CYRIA: variants seen among roughly 807,000 people sequenced by gnomAD.
The protein encoded by CYRIA is CYFIP related Rac1 interactor A, also known as CYFIP-related Rac1 interactor A.
CYRIA carries 15 observed loss-of-function variants against 43.9 expected under a neutral mutation model. The ratio of observed to expected loss-of-function variants is 0.34; its 90% confidence interval spans 0.23 to 0.53. The LOEUF is 0.53. Among genes scored for constraint, CYRIA ranks in the 20% least tolerant of loss-of-function variants. The pLI, the probability that CYRIA is intolerant of heterozygous loss-of-function variation, is 0.94. For synonymous variants in CYRIA, 117 were observed against 136.0 expected, an observed-to-expected ratio of 0.86 and a Z score of 0.97; for missense variants, 236 against 394.2, an observed-to-expected ratio of 0.60 and a Z score of 3.40.
At chr2:16,651,924 T>A (rs1336957574) in intron 1 of CYRIA, among the ~76,000 whole-genome samples, 1 of 152,186 alleles carries the variant, frequency 6.6e-6, no homozygotes, top group East Asian at 1.9e-4. Flanking sequence ...AAGGGGTTTA[T>A]CTGTCAGAAC....
At chr2:16,554,609 C>T (rs1666437027) in intron 11 of CYRIA, among the ~76,000 whole-genome samples, 1 of 152,166 alleles carries the variant, frequency 6.6e-6, no homozygotes, top group South Asian at 2.1e-4. Flanking sequence ...GATTCCGATT[C>T]ATTTGGTCTT....
At chr2:16,602,432 T>C (rs1220540270) in intron 2 of CYRIA, among the ~76,000 whole-genome samples, 2 of 152,170 alleles carry the variant, frequency 1.3e-5, no homozygotes, top group Non-Finnish European at 2.9e-5. Flanking sequence ...CATATATTTA[T>C]ATAATTTCAC....
intron 1 of CYRIA, among the ~76,000 whole-genome samples, chr2:16,642,308 T>G (rs1669699515): frequency 6.6e-6 from 1 of 152,182 alleles, no homozygotes; most frequent in Admixed American, 6.5e-5. Flanking sequence ...ACCCACATTA[T>G]TTCTCATGTC....
intron 1 of CYRIA, among the ~76,000 whole-genome samples, chr2:16,662,655 C>A (rs72777962): frequency 2.0e-5 from 3 of 152,188 alleles, no homozygotes; most frequent in African/African-American, 7.2e-5. Context: ...GTCCTGGCTC[C>A]CTGCCATGCT....
chr2:16,626,751 C>A (rs1439944584), intron 1 of CYRIA, among the ~76,000 whole-genome samples: 1 of 152,158 alleles, frequency 6.6e-6, no homozygotes, highest in African/African-American at 2.4e-5. Context: ...CCTCACATAT[C>A]ACCAGCAACA....
chr2:16,584,884 T>C (rs1158257975), intron 3 of CYRIA, among the ~76,000 whole-genome samples: 4 of 152,184 alleles, frequency 2.6e-5, no homozygotes, highest in African/African-American at 9.6e-5. Context: ...TCCATGGCCT[T>C]CTGTTTCCCA....
chr2:16,574,813 G>A (rs769157980), intron 3 of CYRIA, among the ~76,000 whole-genome samples: 6 of 152,154 alleles, frequency 3.9e-5, no homozygotes, highest in East Asian at 1.9e-4. Context: ...TGCAGGGGTG[G>A]GGCACTCATG....
intron 2 of CYRIA, among the ~76,000 whole-genome samples, chr2:16,615,307 T>TC (rs1255280529): frequency 6.6e-6 from 1 of 152,188 alleles, no homozygotes; most frequent in African/African-American, 2.4e-5. Context: ...CTCTTCTGCC[T>TC]CCCCCAAGTA....
intron 3 of CYRIA, among the ~76,000 whole-genome samples, chr2:16,587,198 C>T (rs1313655245): frequency 1.3e-5 from 2 of 151,966 alleles, no homozygotes; most frequent in African/African-American, 4.8e-5. Flanking sequence ...ATTCTGTAAG[C>T]CTTATTTCTG....
chr2:16,553,688 G>A (rs190004119), intron 11 of CYRIA, among the ~76,000 whole-genome samples: 19 of 152,234 alleles, frequency 1.2e-4, no homozygotes, highest in African/African-American at 4.6e-4. Context: ...CAAGGTTACT[G>A]AATTGAGATT....
chr2:16,616,871 A>T (rs1056217772), intron 2 of CYRIA, among the ~76,000 whole-genome samples: 2 of 152,234 alleles, frequency 1.3e-5, no homozygotes, highest in Admixed American at 1.3e-4. Flanking sequence ...AGAGATGAGG[A>T]AACTGTCCTA....
chr2:16,582,330 CA>C (rs111516786), intron 3 of CYRIA, among the ~76,000 whole-genome samples: 4 of 151,782 alleles, frequency 2.6e-5, no homozygotes, highest in South Asian at 2.1e-4. Context: ...TTTTTAAAAA[CA>C]AAAAAAATTT....
chr2:16,579,654 A>T (rs1667479995), intron 3 of CYRIA, among the ~76,000 whole-genome samples: 1 of 152,166 alleles, frequency 6.6e-6, no homozygotes, highest in Non-Finnish European at 1.5e-5. Context: ...CGTCTATATT[A>T]TAATCTCTAA....
intron 1 of CYRIA, among the ~76,000 whole-genome samples, chr2:16,657,425 A>G (rs192766807): frequency 1.3e-5 from 2 of 152,006 alleles, no homozygotes; most frequent in East Asian, 3.9e-4. Flanking sequence ...ATTTTTTTTA[A>G]AATGACTTTG....
In CYRIA at chr2:16,600,088, A is replaced by T. The variant is rs142223039; in HGVS notation, c.-10-11959T>A. Reference sequence around the variant, plus strand: ...ACTTTTTAACCAAACAGTTGTGTCTATGTGTACCCCATGTCATATAGCACA... The same window carrying T: ...ACTTTTTAACCAAACAGTTGTGTCTTTGTGTACCCCATGTCATATAGCACA... On this transcript the variant is annotated intron_variant, in intron 2 of 11. Transcript: ENST00000381323. 2.9e-3 allele frequency among the ~76,000 whole-genome samples: 438 copies of T among 152,244 alleles called. 6 individuals carry two copies. Among genetic ancestry groups the T allele is most frequent in the Non-Finnish European group, 4.0e-3 (274 of 68,028 alleles).
chr2:16,601,145 T>C (rs907582531), intron 2 of CYRIA, among the ~76,000 whole-genome samples: 1 of 152,064 alleles, frequency 6.6e-6, no homozygotes, highest in East Asian at 1.9e-4. Context: ...TGCTACTCAA[T>C]AGCATGTACA....
intron 3 of CYRIA, 148 bp downstream of exon 3, chr2:16,587,902 T>C (rs1213525467): frequency 2.0e-6 from 1 of 511,740 alleles, no homozygotes; most frequent in African/African-American, 2.0e-5. Context: ...GTCTCATGTA[T>C]GTCTTTATTA....
At chr2:16,637,757 A>T (rs531612044) in intron 1 of CYRIA, among the ~76,000 whole-genome samples, 26 of 152,342 alleles carry the variant, frequency 1.7e-4, no homozygotes, top group African/African-American at 6.0e-4. Context: ...ACCTTTCATT[A>T]TACAAAATAA....
chr2:16,550,759 T>C lies in CYRIA; in HGVS notation c.*2177A>G, dbSNP rs958301973. ...GGGTTCAAGCCCCTCATGAGCCCTG[T>C]GGTGGCTGGCAAGTCCTTTCCTTTC... On this transcript the variant is annotated 3_prime_UTR_variant, in exon 12 of 12. Transcript: ENST00000381323. 3.3e-5 allele frequency: 5 copies of C among 152,166 alleles called. No homozygotes were observed. The highest frequency in any genetic ancestry group is 1.2e-4 in the African/African-American group (5 of 41,454). 9.4% of individuals were successfully genotyped at this position (152,166 alleles called of 1,614,324 possible).
Sources: allele counts gnomAD v4.1 joint callset (sites outside exome capture counted in the v4.1 genomes callset), GRCh38; gene constraint gnomAD v4.1.1; transcripts MANE v1.5; gene names NCBI Gene and HGNC (gene_info 2026-07-23, HGNC 2026-07-21).